Variants in POLQ observed in about 807,000 individuals in gnomAD.
The protein encoded by POLQ is epididymis secretory sperm binding protein.
In POLQ, 233 loss-of-function variants were observed where a neutral mutation model predicts 259.2. That is an observed-to-expected ratio of 0.90 (90% CI 0.81 to 1.00). The LOEUF is 1.00. Among genes scored for constraint, POLQ ranks in the 50% least tolerant of loss-of-function variants. POLQ has a pLI of 0.00. For missense variants in POLQ, 2,871 were observed against 3,051.6 expected, an observed-to-expected ratio of 0.94 and a Z score of 1.39; for synonymous variants, 1,025 against 1,048.8, an observed-to-expected ratio of 0.98 and a Z score of 0.44.
chr3:121,432,295 A>G lies in POLQ; in HGVS notation c.*9T>C. 1.3e-6 allele frequency: 2 copies of G among 1,585,222 alleles called. No homozygotes were observed. The highest frequency in any genetic ancestry group is 1.7e-6 in the Non-Finnish European group (2 of 1,168,790). ...AGGCTTCCCTGGGAGGACTTCATCA[A>G]CAGCACAGTTACACATCAAAGTCCT... On this transcript the variant is annotated 3_prime_UTR_variant, in exon 30 of 30. Transcript: ENST00000264233.
At chr3:121,470,431 A>C (rs923175493) in intron 22 of POLQ, among the ~76,000 whole-genome samples, 2 of 152,120 alleles carry the variant, frequency 1.3e-5, no homozygotes, top group Admixed American at 6.6e-5. Flanking sequence ...GTTTAGAACA[A>C]GGGATAAAGC....
intron 25 of POLQ, among the ~76,000 whole-genome samples, chr3:121,459,500 G>A (rs1192407894): frequency 6.7e-6 from 1 of 149,688 alleles, no homozygotes; most frequent in East Asian, 2.0e-4. Flanking sequence ...TCCTGCCTCA[G>A]CCTCCCAAGT....
chr3:121,518,968 C>T (rs1482896297), intron 9 of POLQ, among the ~76,000 whole-genome samples: 3 of 152,056 alleles, frequency 2.0e-5, no homozygotes, highest in Non-Finnish European at 4.4e-5. Context: ...TTCAAACAAA[C>T]CTCTTCCTTA....
At position 121,512,015 on chromosome 3, in the gene POLQ, T is replaced by C. The variant is rs748558539; in HGVS notation, c.1483A>G (p.Ile495Val). 1.9e-6 allele frequency: 3 copies of C among 1,613,018 alleles called. No individual in the cohort carries two copies. The highest frequency in any genetic ancestry group is 3.3e-5 in the Admixed American group (2 of 59,854). Residue 495 changes from isoleucine to valine, a missense_variant, in exon 10 of 30, where the codon ATT becomes GTT. Ile to Val is a conservative substitution (Grantham distance 29, BLOSUM62 3). Around this residue, in one of 3 missense-constraint regions of POLQ, gnomAD observed 783 missense variants for 906.2 expected, o/e 0.86. Coordinates refer to ENST00000264233, the MANE Select transcript of POLQ (RefSeq NM_199420.4). ...TTTGATTTCTCAGAGTTCTTACAAATTAAGATACTCTCGCCTATAACCAAA... is the reference window on the plus strand; with the variant it reads ...TTTGATTTCTCAGAGTTCTTACAAACTAAGATACTCTCGCCTATAACCAAA... Reference protein sequence around the residue: ...GVDTVGESILICKNSEKSKGI... With the variant: ...GVDTVGESILVCKNSEKSKGI...
At chr3:121,505,382 A>C (rs1363200963) in intron 12 of POLQ, among the ~76,000 whole-genome samples, 2 of 152,224 alleles carry the variant, frequency 1.3e-5, no homozygotes, top group African/African-American at 4.8e-5. Context: ...CAGTAAGCCA[A>C]AAAGAATAGC....
intron 25 of POLQ, among the ~76,000 whole-genome samples, chr3:121,454,170 AC>A (rs2047708493): frequency 6.6e-6 from 1 of 152,242 alleles, no homozygotes; most frequent in Non-Finnish European, 1.5e-5. Flanking sequence ...TCCTTAACAG[AC>A]AAGCAAATGC....
At position 121,488,031 on chromosome 3, in the gene POLQ, C is replaced by A. The variant is rs769119685; in HGVS notation, c.4900G>T (p.Ala1634Ser). ...RQNHSFIWSG[A>S]SFDLSPGLQR... ...AGTCCTGGACTTAGATCAAATGATGCCCCTGACCATATGAATGAATGATTT... is the reference window on the plus strand; with the variant it reads ...AGTCCTGGACTTAGATCAAATGATGACCCTGACCATATGAATGAATGATTT... The change falls in exon 16 of 30, where the codon GCA (alanine) becomes TCA (serine). Residue 1634 changes from alanine (A) to serine (S), a missense_variant. Physicochemically the swap from Ala to Ser is moderately conservative, Grantham distance 99 (BLOSUM62 1). Transcript: ENST00000264233. 3 of 1,613,568 alleles carry A rather than the reference C, an allele frequency of 1.9e-6. No individual in the cohort carries two copies. The highest frequency in any genetic ancestry group is 2.5e-6 in the Non-Finnish European group (3 of 1,179,626).
At chr3:121,542,923 G>T (rs1262825760) in intron 2 of POLQ, among the ~76,000 whole-genome samples, 2 of 152,118 alleles carry the variant, frequency 1.3e-5, no homozygotes, top group East Asian at 3.9e-4. Flanking sequence ...GGAGGCAGAG[G>T]TTGCAGTGAG....
intron 25 of POLQ, among the ~76,000 whole-genome samples, chr3:121,454,952 C>A (rs186738791): frequency 0.012 from 1,841 of 152,250 alleles, 33 homozygotes; most frequent in African/African-American, 0.042. Context: ...GCACACCACA[C>A]CTATTCCAAA....
chr3:121,488,786 A>T lies in POLQ; in HGVS notation c.4145T>A (p.Leu1382Gln). 6.2e-7 allele frequency: 1 copy of T among 1,613,938 alleles called. No homozygotes were observed. Among genetic ancestry groups the T allele is most frequent in the South Asian group, 1.1e-5 (1 of 91,040 alleles). ...CAAATGATCTATCTTAGTCGCTCCT[A>T]GAGGGTGCTGTTCAGCAGGAAAAGG... ...HIPFPAEQHP[L>Q]GATKIDHLDL... The change falls in exon 16 of 30, where the codon CTA becomes CAA. Residue 1382 changes from leucine (L) to glutamine (Q), a missense_variant. Leu to Gln is a moderately radical substitution (Grantham distance 113). Transcript: ENST00000264233.
intron 18 of POLQ, 63 bp downstream of exon 18, chr3:121,483,323 C>A (rs2047984801): frequency 2.3e-6 from 2 of 875,134 alleles, no homozygotes; most frequent in South Asian, 2.6e-5. Context: ...AATACCAAGT[C>A]ATTTAAGAAT....
chr3:121,439,994 G>A lies in POLQ; in HGVS notation c.7387C>T (p.His2463Tyr). Residue 2463 changes from histidine to tyrosine, a missense_variant and splice_region_variant, in exon 27 of 30, where the codon CAC (histidine) becomes TAC (tyrosine). His to Tyr is a moderately conservative substitution (Grantham distance 83). This residue lies in a region of POLQ where 2,080 missense variants were observed against 2,126.0 expected (regional missense o/e 0.98). Transcript: ENST00000264233. ...IKDNNPYRKA[H>Y]AERQAINTIV... Reference sequence around the variant, plus strand: ...ATTCCTAAAAAATTTCAACATACGTGAGCTTTACGATAAGGGTTGTTGTCT... The same window carrying A: ...ATTCCTAAAAAATTTCAACATACGTAAGCTTTACGATAAGGGTTGTTGTCT... The A allele has an allele frequency of 6.2e-7, 1 of 1,613,250 alleles. No individual in the cohort carries two copies.
intron 15 of POLQ, 75 bp downstream of exon 15, chr3:121,493,403 T>C (rs2048087264): frequency 9.0e-7 from 1 of 1,111,290 alleles, no homozygotes. Flanking sequence ...ATAACTTTAA[T>C]ACATTATCTA....
intron 22 of POLQ, among the ~76,000 whole-genome samples, chr3:121,471,515 G>C (rs570930006): frequency 1.3e-5 from 2 of 152,248 alleles, no homozygotes; most frequent in African/African-American, 4.8e-5. Flanking sequence ...GCCGAGGCAG[G>C]TGGATCACCT....
chr3:121,466,263 A>G (rs1576406838), intron 24 of POLQ, among the ~76,000 whole-genome samples: 1 of 140,752 alleles, frequency 7.1e-6, no homozygotes, highest in African/African-American at 2.6e-5. Flanking sequence ...GAAGGCTGAG[A>G]GGGGTGAGGA....
chr3:121,541,304 C>A, intron 3 of POLQ, 45 bp downstream of exon 3: 1 of 1,451,112 alleles, frequency 6.9e-7, no homozygotes, highest in Non-Finnish European at 9.3e-7. Context: ...CCAAGACTGC[C>A]AATAATGAGC....
chr3:121,526,330 C>T (rs1056498979), intron 7 of POLQ, among the ~76,000 whole-genome samples: 1 of 152,188 alleles, frequency 6.6e-6, no homozygotes, highest in Non-Finnish European at 1.5e-5. Context: ...AGACTGGCAA[C>T]CAGTGTTTAT....
At position 121,490,041 on chromosome 3, in the gene POLQ, C is replaced by G. The variant is rs1348439692; in HGVS notation, c.2890G>C (p.Glu964Gln). 7.0e-6 allele frequency: 11 copies of G among 1,574,756 alleles called. No individual in the cohort carries two copies. The highest frequency in any genetic ancestry group is 9.4e-6 in the Non-Finnish European group (11 of 1,165,222). Residue 964 changes from glutamate (E) to glutamine (Q), a missense_variant, in exon 16 of 30, where the codon GAG becomes CAG. By Grantham distance (29) the Glu-to-Gln change is conservative. Coordinates refer to ENST00000264233, the MANE Select transcript of POLQ (RefSeq NM_199420.4). Reference sequence around the variant, plus strand: ...TTACAATTAAAGGAACTTGTATGCTCTCTACTTTTATTTAAGTCTTGCACT... The same window carrying G: ...TTACAATTAAAGGAACTTGTATGCTGTCTACTTTTATTTAAGTCTTGCACT... ...NIVQDLNKSR[E>Q]HTSSFNCNFQ...
intron 25 of POLQ, among the ~76,000 whole-genome samples, chr3:121,457,784 G>T (rs1289887808): frequency 6.6e-6 from 1 of 152,160 alleles, no homozygotes; most frequent in African/African-American, 2.4e-5. Flanking sequence ...TACACTGTTG[G>T]TGGGACTGTA....
Sources: allele counts gnomAD v4.1 joint callset (sites outside exome capture counted in the v4.1 genomes callset), GRCh38; gene constraint gnomAD v4.1.1; regional missense constraint gnomAD v4.1.1; transcripts MANE v1.5; gene names NCBI Gene and HGNC (gene_info 2026-07-23, HGNC 2026-07-21).